Variants in TAF8 observed in about 807,000 individuals in gnomAD.
TAF8 encodes the protein TATA-box binding protein associated factor 8, also known as transcription initiation factor TFIID subunit 8.
Under a neutral mutation model 36.5 loss-of-function variants are expected in TAF8, and 47 were observed. The observed-to-expected ratio is 1.29, with a 90% confidence interval of 1.02 to 1.64. The LOEUF is 1.64. TAF8 is among the 40% of genes most tolerant of loss of function. The pLI is 0.00. For missense variants in TAF8, 420 were observed against 407.6 expected (o/e 1.03, Z -0.26); for synonymous variants, 175 against 159.5 (o/e 1.10, Z -0.73).
In TAF8 at chr6:42,050,618, G is replaced by T. The variant is rs747127242; in HGVS notation, c.45+32G>T. ...GCAGGAAGCGCGGGCTCGGAGCCGA[G>T]AGAGTTTGGGTATCCTGCAACTTTC... On this transcript the variant is annotated intron_variant, in intron 1 of 8. Coordinates refer to ENST00000372977, the MANE Select transcript of TAF8 (RefSeq NM_138572.3). The T allele has an allele frequency of 5.7e-5, 88 of 1,536,988 alleles. No individual in the cohort carries two copies. In the African/African-American group the frequency reaches 1.1e-3, roughly 19 times the overall value.
Position 42,080,847 on chromosome 6 carries a change from A to T in TAF8, c.*3302A>T. On this transcript the variant is annotated 3_prime_UTR_variant, in exon 9 of 9. Transcript: ENST00000372977. ...GAGGCCAAAAGTAGTAAACATGCAG[A>T]TTAAAAATGTTTATGAAAATCTCAA... 3 of 979,868 alleles carry T rather than the reference A, an allele frequency of 3.1e-6. No homozygotes were observed. The highest frequency in any genetic ancestry group is 3.6e-6 in the Non-Finnish European group (3 of 824,868). 60.7% of individuals were successfully genotyped at this position (979,868 alleles called of 1,614,324 possible). A position where few individuals can be genotyped will look rare whatever the true frequency, so the allele number is the denominator to read the frequency against.
Position 42,077,752 on chromosome 6 carries a change from T to G in TAF8, c.*207T>G. The G allele has an allele frequency of 7.0e-7, 1 of 1,426,646 alleles. No individual in the cohort carries two copies. The highest frequency in any genetic ancestry group is 9.1e-7 in the Non-Finnish European group (1 of 1,094,836). 88.4% of individuals were successfully genotyped at this position (1,426,646 alleles called of 1,614,324 possible). Reference sequence around the variant, plus strand: ...GTTGAGGAAGATATGAACAGAATAATGAGAATTTTTTTTTTTATTTTGAGA... The same window carrying G: ...GTTGAGGAAGATATGAACAGAATAAGGAGAATTTTTTTTTTTATTTTGAGA... On this transcript the variant is annotated 3_prime_UTR_variant, in exon 9 of 9. Coordinates refer to ENST00000372977, the MANE Select transcript of TAF8 (RefSeq NM_138572.3).
At chr6:42,068,033 T>G (rs1765426279) in intron 6 of TAF8, among the ~76,000 whole-genome samples, 1 of 152,190 alleles carries the variant, frequency 6.6e-6, no homozygotes, top group Non-Finnish European at 1.5e-5. Context: ...GGTAAAAGAA[T>G]CAATATTCCT....
At chr6:42,053,844 A>G (rs1308325709) in intron 2 of TAF8, among the ~76,000 whole-genome samples, 1 of 152,198 alleles carries the variant, frequency 6.6e-6, no homozygotes, top group Non-Finnish European at 1.5e-5. Context: ...ATAGTTCCCA[A>G]GAGATAAGAA....
chr6:42,051,939 C>T (rs1021697636), intron 2 of TAF8, among the ~76,000 whole-genome samples: 1 of 152,204 alleles, frequency 6.6e-6, no homozygotes, highest in Non-Finnish European at 1.5e-5. Flanking sequence ...GCACTCCAGC[C>T]TGTGAGGCTC....
At chr6:42,086,812 A>C, downstream of TAF8, 2 of 1,476,114 alleles carry the variant, frequency 1.4e-6, no homozygotes, top group Non-Finnish European at 1.9e-6. Flanking sequence ...CACAAAGGTC[A>C]AGAAAGACAC....
Position 42,077,905 on chromosome 6 carries a change from C to T in TAF8, c.*360C>T, listed in dbSNP as rs1051685991. The T allele has an allele frequency of 1.5e-5, 5 of 342,232 alleles. No individual in the cohort carries two copies. The highest frequency in any genetic ancestry group is 6.7e-5 in the African/African-American group (3 of 45,092). The allele number at this position is 342,232 out of a possible 1,614,324, so 21.2% of individuals were successfully genotyped here. On this transcript the variant is annotated 3_prime_UTR_variant, in exon 9 of 9. Coordinates refer to ENST00000372977, the MANE Select transcript of TAF8 (RefSeq NM_138572.3). ...CCGAGTAGCTGGGACTAGAGGCAAG[C>T]GCCACCATGCTGGCTAATTTTTGTA...
chr6:42,066,249 G>A, intron 5 of TAF8, 63 bp from the exon 6 acceptor site: 1 of 1,595,158 alleles, frequency 6.3e-7, no homozygotes, highest in Non-Finnish European at 8.5e-7. Flanking sequence ...GCAAGCCAGG[G>A]AGCTGATGAA....
Position 42,077,729 on chromosome 6 carries a change from T to C in TAF8, c.*184T>C. ...ACCTATTTTCACTGGATGTTTGGGT[T>C]GAGGAAGATATGAACAGAATAATGA... On this transcript the variant is annotated 3_prime_UTR_variant, in exon 9 of 9. Transcript: ENST00000372977. 6.9e-7 allele frequency: 1 copy of C among 1,458,928 alleles called. No homozygotes were observed. Among genetic ancestry groups the C allele is most frequent in the Non-Finnish European group, 9.0e-7 (1 of 1,110,686 alleles). 90.4% of individuals were successfully genotyped at this position (1,458,928 alleles called of 1,614,324 possible).
rs904567869 is a variant in TAF8, at chr6:42,080,178, G to A, written c.*2633G>A. 1.6e-5 allele frequency: 16 copies of A among 985,272 alleles called. No individual in the cohort carries two copies. The highest frequency in any genetic ancestry group is 1.9e-5 in the Non-Finnish European group (16 of 829,974). 61.0% of individuals were successfully genotyped at this position (985,272 alleles called of 1,614,324 possible). ...ATGAACACAGCCCCACATTCAAGCC[G>A]TGGCCAATCCCAGCTGTTCTCACTG... On this transcript the variant is annotated 3_prime_UTR_variant, in exon 9 of 9. Transcript: ENST00000372977.
chr6:42,069,155 A>T (rs1765476012), intron 7 of TAF8, among the ~76,000 whole-genome samples: 1 of 152,136 alleles, frequency 6.6e-6, no homozygotes, highest in South Asian at 2.1e-4. Flanking sequence ...GTAGGGGATG[A>T]GGTCCGAGAG....
intron 7 of TAF8, among the ~76,000 whole-genome samples, chr6:42,074,838 CTT>C (rs5875785): frequency 0.16 from 23,541 of 143,250 alleles, 3,004 homozygotes; most frequent in African/African-American, 0.36. Context: ...GCCTGGCCTA[CTT>C]TTTTTTTTTT....
In TAF8 at chr6:42,079,665, C is replaced by A; in HGVS notation, c.*2120C>A. The A allele has an allele frequency of 1.3e-6, 1 of 778,374 alleles. No homozygotes were observed. The highest frequency in any genetic ancestry group is 1.6e-6 in the Non-Finnish European group (1 of 641,762). The allele number at this position is 778,374 out of a possible 1,614,324, so 48.2% of individuals were successfully genotyped here. On this transcript the variant is annotated 3_prime_UTR_variant, in exon 9 of 9. Coordinates refer to ENST00000372977, the MANE Select transcript of TAF8 (RefSeq NM_138572.3). ...GCAACCTCCACTCCCCGGGTTCAAG[C>A]AATTCTCAGAGTAGCTGGGATTACA...
intron 5 of TAF8, among the ~76,000 whole-genome samples, chr6:42,058,307 G>A (rs781257266): frequency 6.6e-6 from 1 of 152,120 alleles, no homozygotes; most frequent in Non-Finnish European, 1.5e-5. Context: ...TCTAACCTGG[G>A]AGACAGAGGT....
intron 1 of TAF8, chr6:42,051,148 T>G: frequency 1.6e-6 from 2 of 1,282,922 alleles, no homozygotes; most frequent in East Asian, 3.1e-5. Context: ...ACTGTACGTT[T>G]TAGGTAAGCG....
At chr6:42,059,999 A>G (rs548529404) in intron 5 of TAF8, among the ~76,000 whole-genome samples, 2 of 152,242 alleles carry the variant, frequency 1.3e-5, no homozygotes, top group Admixed American at 6.5e-5. Context: ...CTGGTTTGCA[A>G]CTGTCTGAGT....
chr6:42,086,950 C>CA, downstream of TAF8: 1 of 633,330 alleles, frequency 1.6e-6, no homozygotes, highest in Admixed American at 2.5e-5. Flanking sequence ...TCAGCCAACC[C>CA]AGAGGATGTA....
chr6:42,062,317 C>T (rs1314040361), intron 5 of TAF8, among the ~76,000 whole-genome samples: 1 of 151,878 alleles, frequency 6.6e-6, no homozygotes, highest in Non-Finnish European at 1.5e-5. Context: ...CTAAGAAAAC[C>T]CTGTTATTCA....
intron 8 of TAF8, 136 bp from the exon 9 acceptor site, chr6:42,077,397 A>G (rs1765790693): frequency 2.0e-6 from 3 of 1,533,392 alleles, no homozygotes; most frequent in Non-Finnish European, 2.6e-6. Flanking sequence ...TGGCTCCCGT[A>G]CATAGCTCTT....
Sources: gnomAD v4.1 joint callset for allele counts (sites outside exome capture counted in the v4.1 genomes callset) on GRCh38, gnomAD v4.1.1 for gene constraint, MANE v1.5 for transcripts, NCBI Gene and HGNC (gene_info 2026-07-23, HGNC 2026-07-21) for gene names.